ACTR3: variants seen among roughly 807,000 people sequenced by gnomAD.
ACTR3 encodes actin-related protein 3.
A neutral mutation model predicts 56.8 loss-of-function variants in ACTR3; 12 were observed. That is an observed-to-expected ratio of 0.21 (90% confidence interval 0.14 to 0.34). The LOEUF is 0.34. Ranked by LOEUF, ACTR3 falls within the 10% of genes least tolerant of loss-of-function variation. The pLI is 1.00. For missense variants in ACTR3, 282 were observed against 512.5 expected (o/e 0.55, Z 4.34); for synonymous variants, 162 against 167.4 (o/e 0.97, Z 0.25).
intron 2 of ACTR3, among the ~76,000 whole-genome samples, chr2:113,914,535 C>T (rs897624046): frequency 4.8e-5 from 7 of 145,276 alleles, no homozygotes; most frequent in Admixed American, 7.1e-5. Context: ...CGCTCGAACC[C>T]GGGAGGTGGA....
chr2:113,943,291 A>G (rs1177932672), intron 8 of ACTR3, among the ~76,000 whole-genome samples: 1 of 152,176 alleles, frequency 6.6e-6, no homozygotes, highest in Non-Finnish European at 1.5e-5. Context: ...TATTTTTGTC[A>G]GAAGGTTAGC....
At position 113,892,911 on chromosome 2, in the gene ACTR3, A is replaced by G. The variant is rs3791742; in HGVS notation, c.44+2588A>G. Among the ~76,000 whole-genome samples the G allele has an allele frequency of 0.025, 3,747 of 152,296 alleles. 218 individuals carry two copies. In the East Asian group the frequency reaches 0.26, roughly 10 times the overall value. On this transcript the variant is annotated intron_variant, in intron 1 of 11. Transcript: ENST00000263238. ...TTAGGAAACTTGAAACTTAAGCCCA[A>G]AACTTTTAGGGATCGTCCAGCAAAA...
chr2:113,926,909 T>C (rs1006367940), intron 3 of ACTR3, among the ~76,000 whole-genome samples: 1 of 152,240 alleles, frequency 6.6e-6, no homozygotes. Flanking sequence ...ATTCTAGGTA[T>C]GTACTTACAG....
intron 1 of ACTR3, among the ~76,000 whole-genome samples, chr2:113,894,511 A>G (rs1423007280): frequency 6.6e-6 from 1 of 152,258 alleles, no homozygotes; most frequent in Non-Finnish European, 1.5e-5. Context: ...TGCTGTTTGA[A>G]GTAAGTACAA....
chr2:113,917,095 C>T (rs894906018), intron 3 of ACTR3, 87 bp downstream of exon 3: 47 of 1,112,364 alleles, frequency 4.2e-5, no homozygotes, highest in South Asian at 2.4e-5. Context: ...CTATAATAGA[C>T]CTTATTAATA....
At chr2:113,920,192 G>T (rs1401967864) in intron 3 of ACTR3, among the ~76,000 whole-genome samples, 1 of 152,152 alleles carries the variant, frequency 6.6e-6, no homozygotes, top group African/African-American at 2.4e-5. Flanking sequence ...CAAAGTGCTG[G>T]GATTACAGGT....
intron 1 of ACTR3, among the ~76,000 whole-genome samples, chr2:113,895,971 G>A (rs1362042912): frequency 6.6e-6 from 1 of 152,036 alleles, no homozygotes; most frequent in Admixed American, 6.6e-5. Context: ...CTGTCTTCCT[G>A]CCTCAGTCCC....
chr2:113,957,482 G>A lies in ACTR3; in HGVS notation c.*27G>A. On this transcript the variant is annotated 3_prime_UTR_variant, in exon 12 of 12. Coordinates refer to ENST00000263238, the MANE Select transcript of ACTR3 (RefSeq NM_005721.5). ...ATTGGCTTCATAGTTATTGGGGTTA[G>A]GGAGGTGGGGAAGAGATAATCTTTC... is the stretch of plus-strand genomic sequence containing the variant. 1 of 1,570,410 alleles carries A rather than the reference G, an allele frequency of 6.4e-7. No individual in the cohort carries two copies. The highest frequency in any genetic ancestry group is 8.8e-7 in the Non-Finnish European group (1 of 1,141,226).
At chr2:113,895,360 C>T (rs1678987108) in intron 1 of ACTR3, among the ~76,000 whole-genome samples, 1 of 152,156 alleles carries the variant, frequency 6.6e-6, no homozygotes, top group Non-Finnish European at 1.5e-5. Context: ...AGAGCCACTA[C>T]ACTAGATCTT....
rs180847744 is a variant in ACTR3, at chr2:113,927,798, A to G, written c.336+343A>G. On this transcript the variant is annotated intron_variant, in intron 4 of 11. Coordinates refer to ENST00000263238, the MANE Select transcript of ACTR3 (RefSeq NM_005721.5). ...TATTATATCATTGGTATTTCTTCAT[A>G]ACAAAAATACAATATAATCTAACTT... 3.1e-3 allele frequency among the ~76,000 whole-genome samples: 470 copies of G among 152,294 alleles called. 4 individuals are homozygous for G. Among genetic ancestry groups the G allele is most frequent in the African/African-American group, 0.011 (445 of 41,578 alleles).
rs1680268651 is a variant in ACTR3 at position 113,958,721 on chromosome 2, C to G, written c.*1266C>G. 6.6e-6 allele frequency: 1 copy of G among 151,074 alleles called. No homozygotes were observed. Among genetic ancestry groups the G allele is most frequent in the Admixed American group, 6.6e-5 (1 of 15,152 alleles). The allele number at this position is 151,074 out of a possible 1,614,324, so 9.4% of individuals were successfully genotyped here. ...TGTATGGTAGAAAATTTCTTGTGAC[C>G]TTAAAATTTTACCAGTTATTTATAG... On this transcript the variant is annotated 3_prime_UTR_variant, in exon 12 of 12. Transcript: ENST00000263238.
intron 3 of ACTR3, among the ~76,000 whole-genome samples, chr2:113,924,243 A>T (rs1176970292): frequency 2.7e-4 from 39 of 143,748 alleles, no homozygotes; most frequent in Admixed American, 4.2e-4. Flanking sequence ...CTAATTAAAA[A>T]TTTTTTTTTT....
chr2:113,928,024 A>G (rs1427979449), intron 4 of ACTR3, among the ~76,000 whole-genome samples: 2 of 150,652 alleles, frequency 1.3e-5, no homozygotes, highest in Non-Finnish European at 2.9e-5. Context: ...CTTTTATTTA[A>G]CATTTTTTTT....
chr2:113,961,367 T>TAAAAAAGGAACAAC lies in ACTR3; in HGVS notation c.*3913_*3926dup, dbSNP rs1680321914. The stretch of plus-strand genomic sequence containing the variant: ...AGTGCTCCAGTGGTCACAGGAACAA[T>TAAAAAAGGAACAAC]AAAAAAGGAACAACGATAGAAATAC... On this transcript the variant is annotated 3_prime_UTR_variant, in exon 12 of 12. Coordinates refer to ENST00000263238, the MANE Select transcript of ACTR3 (RefSeq NM_005721.5). 6.6e-6 allele frequency: 1 copy of TAAAAAAGGAACAAC among 151,222 alleles called. No homozygotes were observed. The highest frequency in any genetic ancestry group is 6.6e-5 in the Admixed American group (1 of 15,136). The allele number at this position is 151,222 out of a possible 1,614,324, so 9.4% of individuals were successfully genotyped here.
In ACTR3 at chr2:113,957,640, A is replaced by G; in HGVS notation, c.*185A>G. 2.1e-6 allele frequency: 1 copy of G among 472,396 alleles called. No homozygotes were observed. The highest frequency in any genetic ancestry group is 3.8e-6 in the Non-Finnish European group (1 of 263,306). The allele number at this position is 472,396 out of a possible 1,614,324, so 29.3% of individuals were successfully genotyped here. A position where few individuals can be genotyped will look rare whatever the true frequency, so the allele number is the denominator to read the frequency against. ...GCAGATGTAGAAGAGAGCGAAAGTG[A>G]TTGTGTTTTTCTTTAGATTGAATAT... On this transcript the variant is annotated 3_prime_UTR_variant, in exon 12 of 12. Coordinates refer to ENST00000263238, the MANE Select transcript of ACTR3 (RefSeq NM_005721.5).
chr2:113,939,843 C>A, intron 6 of ACTR3, 116 bp from the exon 7 acceptor site: 2 of 881,214 alleles, frequency 2.3e-6, no homozygotes, highest in Non-Finnish European at 3.3e-6. Context: ...TAAAGCAGTA[C>A]TTGAGACTAT....
At chr2:113,949,239 G>A (rs1680075414) in intron 8 of ACTR3, among the ~76,000 whole-genome samples, 4 of 151,422 alleles carry the variant, frequency 2.6e-5, no homozygotes, top group Non-Finnish European at 2.9e-5. Flanking sequence ...TTAGCCGGGC[G>A]TGGTGGCGGA....
intron 1 of ACTR3, among the ~76,000 whole-genome samples, chr2:113,909,272 CTG>C (rs1679258960): frequency 6.6e-6 from 1 of 151,938 alleles, no homozygotes. Flanking sequence ...TACATATTGA[CTG>C]TTTTGTATTA....
chr2:113,959,311 T>C lies in ACTR3; in HGVS notation c.*1856T>C, dbSNP rs1258143332. The C allele has an allele frequency of 6.6e-6, 1 of 152,020 alleles. No individual in the cohort carries two copies. The highest frequency in any genetic ancestry group is 1.5e-5 in the Non-Finnish European group (1 of 67,918). 9.4% of individuals were successfully genotyped at this position (152,020 alleles called of 1,614,324 possible). A position where few individuals can be genotyped will look rare whatever the true frequency, so the allele number is the denominator to read the frequency against. ...TTCTGCACTTTGCTTTTATTAAAGA[T>C]CTTTTGATAAAGAACTATATTGATA... On this transcript the variant is annotated 3_prime_UTR_variant, in exon 12 of 12. Transcript: ENST00000263238.
Sources: gnomAD v4.1 joint callset for allele counts (sites outside exome capture counted in the v4.1 genomes callset) on GRCh38, gnomAD v4.1.1 for gene constraint, MANE v1.5 for transcripts, NCBI Gene and HGNC (gene_info 2026-07-23, HGNC 2026-07-21) for gene names.